The following DPP6 variants were observed in gnomAD, a reference collection of about 807,000 sequenced individuals.
The protein encoded by DPP6 is dipeptidyl peptidase like 6.
Under a neutral mutation model 122.6 loss-of-function variants are expected in DPP6, and 69 were observed. The ratio of observed to expected loss-of-function variants is 0.56; its 90% CI spans 0.46 to 0.69. The LOEUF (loss-of-function observed/expected upper bound fraction) is 0.69, where lower values mean the gene tolerates loss of function less well. Among genes scored for constraint, DPP6 ranks in the 30% least tolerant of loss-of-function variants. The pLI is 0.00. For missense variants in DPP6, 928 were observed against 1,116.9 expected, an observed-to-expected ratio of 0.83 and a Z score of 2.41; for synonymous variants, 418 against 433.1, an observed-to-expected ratio of 0.97 and a Z score of 0.43.
chr7:153,866,663 A>G, the DPP6 span, among the ~76,000 whole-genome samples: 1 of 151,936 alleles, frequency 6.6e-6, no homozygotes, highest in African/African-American at 2.4e-5. Flanking sequence ...ATTAGATCCC[A>G]TTTGTCAATT....
chr7:153,946,667 C>T (rs925672323), intron 1 of DPP6, among the ~76,000 whole-genome samples: 2 of 152,094 alleles, frequency 1.3e-5, no homozygotes, highest in Non-Finnish European at 2.9e-5. Flanking sequence ...AGCCCCTATT[C>T]AAGATGGAGT....
intron 5 of DPP6, among the ~76,000 whole-genome samples, chr7:154,611,771 T>A (rs924167030): frequency 6.6e-6 from 1 of 152,134 alleles, no homozygotes; most frequent in East Asian, 1.9e-4. Context: ...AAAGTTAACA[T>A]CTTGCACAAC....
intron 3 of DPP6, among the ~76,000 whole-genome samples, chr7:154,526,357 C>A (rs1827406690): frequency 6.6e-6 from 1 of 152,152 alleles, no homozygotes; most frequent in Admixed American, 6.5e-5. Flanking sequence ...GAAAGATAGG[C>A]TGTGGTGTAA....
intron 1 of DPP6, among the ~76,000 whole-genome samples, chr7:154,400,753 G>T (rs1200367226): frequency 3.9e-5 from 6 of 152,098 alleles, no homozygotes; most frequent in Non-Finnish European, 2.9e-5. Context: ...CATATATTTT[G>T]TAAAATTTTA....
At chr7:154,837,842 G>A (rs1801208227) in intron 16 of DPP6, among the ~76,000 whole-genome samples, 1 of 152,096 alleles carries the variant, frequency 6.6e-6, no homozygotes, top group Non-Finnish European at 1.5e-5. Flanking sequence ...CCCAGTATTG[G>A]TGAGGTTTTC....
chr7:154,229,742 G>T (rs1182736857), intron 1 of DPP6, among the ~76,000 whole-genome samples: 1 of 151,862 alleles, frequency 6.6e-6, no homozygotes, highest in African/African-American at 2.4e-5. Context: ...TGTTCTTGCT[G>T]CAATTTTATC....
chr7:153,748,830 G>A, the DPP6 span, among the ~76,000 whole-genome samples: 3 of 138,304 alleles, frequency 2.2e-5, no homozygotes, highest in South Asian at 8.1e-4. Context: ...GCCCAGACTC[G>A]GCTGCAGAAG....
At chr7:154,497,050 A>C (rs1186829870) in intron 3 of DPP6, among the ~76,000 whole-genome samples, 1 of 152,058 alleles carries the variant, frequency 6.6e-6, no homozygotes, top group Non-Finnish European at 1.5e-5. Context: ...AAAGAAAGCA[A>C]ACTCCCTCCC....
intron 1 of DPP6, among the ~76,000 whole-genome samples, chr7:153,963,463 C>G (rs537599650): frequency 6.8e-6 from 1 of 146,846 alleles, no homozygotes; most frequent in African/African-American, 2.5e-5. Context: ...AAAAGCATCC[C>G]GCTTCAAGAG....
At chr7:154,729,552 C>T (rs1842233575) in intron 8 of DPP6, among the ~76,000 whole-genome samples, 1 of 152,188 alleles carries the variant, frequency 6.6e-6, no homozygotes, top group Non-Finnish European at 1.5e-5. Context: ...TATATAGCCC[C>T]AGTCAAGACA....
chr7:154,266,840 G>A (rs569810868), intron 1 of DPP6, among the ~76,000 whole-genome samples: 11 of 152,176 alleles, frequency 7.2e-5, no homozygotes, highest in African/African-American at 9.7e-5. Flanking sequence ...ATATCAAGAT[G>A]TTATTTGCCT....
At chr7:154,629,304 A>G (rs535246717) in intron 5 of DPP6, among the ~76,000 whole-genome samples, 24 of 152,192 alleles carry the variant, frequency 1.6e-4, no homozygotes, top group Non-Finnish European at 2.6e-4. Flanking sequence ...GAAATAGAAT[A>G]TTTTCCAGCT....
upstream of DPP6, among the ~76,000 whole-genome samples, chr7:153,882,859 C>T (rs968265671): frequency 5.3e-5 from 8 of 151,910 alleles, no homozygotes; most frequent in Admixed American, 4.6e-4. Context: ...AACATGGCAG[C>T]TTCTATGGGA....
intron 1 of DPP6, among the ~76,000 whole-genome samples, chr7:154,362,472 T>A (rs771062776): frequency 1.2e-4 from 19 of 152,158 alleles, no homozygotes; most frequent in Non-Finnish European, 2.1e-4. Flanking sequence ...TGGAATGCAG[T>A]GGCACCATCT....
At chr7:154,077,514 C>T (rs1454546634) in intron 1 of DPP6, among the ~76,000 whole-genome samples, 1 of 152,154 alleles carries the variant, frequency 6.6e-6, no homozygotes, top group Non-Finnish European at 1.5e-5. Flanking sequence ...CTACCCATTG[C>T]AGGGTGTCCA....
chr7:154,177,458 C>T (rs1339506985), intron 1 of DPP6, among the ~76,000 whole-genome samples: 2 of 152,098 alleles, frequency 1.3e-5, no homozygotes, highest in African/African-American at 4.8e-5. Flanking sequence ...AATAAATCAA[C>T]AGAAAGGATA....
At chr7:154,354,166 C>CCTTCTTCT (rs1811093455) in intron 1 of DPP6, among the ~76,000 whole-genome samples, 2 of 152,236 alleles carry the variant, frequency 1.3e-5, no homozygotes, top group South Asian at 4.2e-4. Context: ...CCACCTAAAC[C>CCTTCTTCT]CTTCTTCTCA....
At chr7:154,869,059 G>T (rs776743621) in intron 18 of DPP6, among the ~76,000 whole-genome samples, 18 of 152,196 alleles carry the variant, frequency 1.2e-4, no homozygotes, top group Non-Finnish European at 2.2e-4. Context: ...GGAGCTCTTT[G>T]TTGAAAGGGA....
intron 20 of DPP6, among the ~76,000 whole-genome samples, chr7:154,876,637 C>T (rs1290472316): frequency 6.6e-6 from 1 of 152,204 alleles, no homozygotes; most frequent in African/African-American, 2.4e-5. Flanking sequence ...CTATCACTGA[C>T]TCAGCAAGAG....
Sources: gnomAD v4.1 joint callset for allele counts (sites outside exome capture counted in the v4.1 genomes callset) on GRCh38, gnomAD v4.1.1 for gene constraint, MANE v1.5 for transcripts, NCBI Gene and HGNC (gene_info 2026-07-23, HGNC 2026-07-21) for gene names.